The following RYR1 variants were observed in gnomAD, a reference collection of about 807,000 sequenced individuals.
The protein encoded by RYR1 is central core disease of muscle.
Under a neutral mutation model 583.5 loss-of-function variants are expected in RYR1, and 342 were observed. The ratio of observed to expected loss-of-function variants is 0.59; its 90% CI spans 0.54 to 0.64. RYR1 has a LOEUF of 0.64. Among genes scored for constraint, RYR1 ranks in the 30% least tolerant of loss-of-function variants. RYR1 has a pLI of 0.00. For missense variants in RYR1, 6,032 were observed against 6,917.2 expected, an observed-to-expected ratio of 0.87 and a Z score of 4.54; for synonymous variants, 2,791 against 2,822.5, an observed-to-expected ratio of 0.99 and a Z score of 0.35.
At position 38,489,331 on chromosome 19, in the gene RYR1, A is replaced by C. The variant is rs1479388570; in HGVS notation, c.5702A>C (p.Gln1901Pro). ...EKEEDEEETA[Q>P]EKEDEEKEEE... ...GAGGAGGATGAGGAGGAAACAGCACAGGAAAAGGAAGATGAGGAAAAAGAG... is the reference window on the plus strand; with the variant it reads ...GAGGAGGATGAGGAGGAAACAGCACCGGAAAAGGAAGATGAGGAAAAAGAG... The change falls in exon 35 of 106, where the codon CAG (glutamine) becomes CCG (proline). Residue 1901 changes from glutamine to proline, a missense_variant. Coordinates refer to ENST00000359596, the MANE Select transcript of RYR1 (RefSeq NM_000540.3). 6.2e-7 allele frequency: 1 copy of C among 1,608,680 alleles called. No individual in the cohort carries two copies. Among genetic ancestry groups the C allele is most frequent in the East Asian group, 2.2e-5 (1 of 44,868 alleles).
Position 38,532,542 on chromosome 19 carries a change from G to A in RYR1, c.11193+1G>A, listed in dbSNP as rs111986316. On this transcript the variant is annotated splice_donor_variant, in intron 77 of 105. Transcript: ENST00000359596. LOFTEE classifies it high-confidence loss of function. ...GGCCTATGCTGATATCATGGCAAAG[G>A]TGAGGCCCTACCCCCCTCTTCTGGG... The A allele has an allele frequency of 6.2e-7, 1 of 1,614,168 alleles. No individual in the cohort carries two copies. The highest frequency in any genetic ancestry group is 8.5e-7 in the Non-Finnish European group (1 of 1,180,020).
At chr19:38,553,515 A>C (rs1325509310) in intron 89 of RYR1, among the ~76,000 whole-genome samples, 3 of 151,410 alleles carry the variant, frequency 2.0e-5, no homozygotes, top group Admixed American at 1.3e-4. Context: ...CTGGATGTGG[A>C]GGTGTGCACC....
Position 38,473,653 on chromosome 19 carries a change from AAAG to A in RYR1, c.4046_4048del (p.Glu1349del). On this transcript the variant is annotated inframe_deletion, in exon 28 of 106. Transcript: ENST00000359596. ...GGGCTGGAGCGAGGCAGAGAACGGC[AAAG>A]AAGGGACTGCGAAGGAGGGCGCCCC... The A allele has an allele frequency of 6.4e-7, 1 of 1,556,158 alleles. No individual in the cohort carries two copies. Among genetic ancestry groups the A allele is most frequent in the Non-Finnish European group, 8.7e-7 (1 of 1,149,966 alleles).
intron 37 of RYR1, among the ~76,000 whole-genome samples, chr19:38,491,603 A>AT (rs1436682632): frequency 2.0e-5 from 3 of 151,260 alleles, no homozygotes; most frequent in Non-Finnish European, 4.4e-5. Flanking sequence ...TAATTTTTTA[A>AT]TTTTTTTATA....
chr19:38,586,616 G>T, intron 105 of RYR1, 40 bp downstream of exon 105: 3 of 1,589,040 alleles, frequency 1.9e-6, no homozygotes, highest in Non-Finnish European at 2.6e-6. Context: ...GCAGGACGTG[G>T]AGCCCTTTAA....
intron 16 of RYR1, 21 bp downstream of exon 16, chr19:38,455,772 C>A: frequency 7.0e-7 from 1 of 1,431,204 alleles, no homozygotes; most frequent in Non-Finnish European, 9.9e-7. Flanking sequence ...CACCCCTGAC[C>A]TCTCATCCCC....
Position 38,505,357 on chromosome 19 carries a change from A to AC in RYR1, c.8362dup (p.His2788ProfsTer43). On this transcript the variant is annotated frameshift_variant, in exon 53 of 106. Coordinates refer to ENST00000359596, the MANE Select transcript of RYR1 (RefSeq NM_000540.3). LOFTEE classifies it high-confidence loss of function. ...AGAGAACATAGACGAGGAGCTGAAG[A>AC]CCCACCCCATGCTGAGGCCCTACAA... 1 of 1,612,394 alleles carries AC rather than the reference A, an allele frequency of 6.2e-7. No homozygotes were observed.
Position 38,586,533 on chromosome 19 carries a change from T to C in RYR1, c.14978T>C (p.Leu4993Pro). The C allele has an allele frequency of 1.2e-6, 2 of 1,614,132 alleles. No homozygotes were observed. Among genetic ancestry groups the C allele is most frequent in the Non-Finnish European group, 1.7e-6 (2 of 1,179,974 alleles). Residue 4993 changes from leucine to proline, a missense_variant, in exon 105 of 106, where the codon CTG becomes CCG. By Grantham distance (98) the Leu-to-Pro change is moderately conservative. Around this residue, in one of 11 missense-constraint regions of RYR1, gnomAD observed 189 missense variants for 350.3 expected, o/e 0.54. Transcript: ENST00000359596. ...EHNLANYMFF[L>P]MYLINKDETE... is the part of the protein sequence containing the mutation. ...GGTCCTCTCACCCTCAGGTTTTTCC[T>C]GATGTATTTGATAAACAAGGATGAG...
chr19:38,453,062 G>T (rs1247264562), intron 13 of RYR1, 48 bp downstream of exon 13: 3 of 1,593,602 alleles, frequency 1.9e-6, no homozygotes, highest in Non-Finnish European at 2.6e-6. Flanking sequence ...CCAGGGGGCG[G>T]GACCACTGAG....
intron 75 of RYR1, 31 bp downstream of exon 75, chr19:38,528,726 G>A (rs747026921): frequency 6.2e-7 from 1 of 1,609,446 alleles, no homozygotes; most frequent in Non-Finnish European, 8.5e-7. Context: ...GGGAGTGGGG[G>A]GCGAGCTGGA....
At chr19:38,444,000 A>G (rs2145337746) in intron 5 of RYR1, 149 bp from the exon 6 acceptor site, 1 of 816,532 alleles carries the variant, frequency 1.2e-6, no homozygotes, top group East Asian at 2.6e-5. Context: ...GAAGTCAGGA[A>G]CGGGGAACTG....
chr19:38,536,840 TA>T (rs1971992920), intron 83 of RYR1, 73 bp downstream of exon 83: 1 of 1,487,992 alleles, frequency 6.7e-7, no homozygotes, highest in Middle Eastern at 1.7e-4. Flanking sequence ...CCCCTCCACC[TA>T]GGGGCTGAGG....
chr19:38,475,194 T>C (rs1459978568), intron 28 of RYR1, 124 bp from the exon 29 acceptor site: 9 of 1,338,476 alleles, frequency 6.7e-6, no homozygotes, highest in East Asian at 2.5e-5. Context: ...TCCAGCCCTC[T>C]AGAGGCAAGA....
In RYR1 at chr19:38,564,976, C is replaced by G. The variant is rs760363531; in HGVS notation, c.12642C>G (p.Arg4214=). Residue 4214 remains arginine, a synonymous_variant, in exon 91 of 106, where the codon CGC becomes CGG. Coordinates refer to ENST00000359596, the MANE Select transcript of RYR1 (RefSeq NM_000540.3). The stretch of plus-strand genomic sequence containing the variant: ...CGCTTCAGGTGAAGGAGTCCAAGCG[C>G]CAGTTCATCTTCGACGTGGTGAACG... ...WEMPQVKESK[R]QFIFDVVNEG... is the part of the protein sequence containing the mutation. 1.9e-6 allele frequency: 3 copies of G among 1,588,816 alleles called. No individual in the cohort carries two copies. The East Asian group carries it at 6.8e-5, about 36-fold the overall frequency.
At chr19:38,581,743 C>T (rs548441458) in intron 101 of RYR1, among the ~76,000 whole-genome samples, 54 of 152,124 alleles carry the variant, frequency 3.5e-4, no homozygotes, top group South Asian at 8.3e-4. Context: ...GGATTACAGG[C>T]GCACACTACC....
chr19:38,460,258 C>T, intron 19 of RYR1, 117 bp from the exon 20 acceptor site: 4 of 917,144 alleles, frequency 4.4e-6, no homozygotes, highest in Non-Finnish European at 5.5e-6. Flanking sequence ...TGCCCGGTGA[C>T]CTTTGGTCTC....
intron 67 of RYR1, among the ~76,000 whole-genome samples, chr19:38,521,754 T>TG (rs1971235592): frequency 7.0e-6 from 1 of 142,554 alleles, no homozygotes; most frequent in Non-Finnish European, 1.5e-5. Context: ...TCGCCCAGGC[T>TG]GGGGTGCAGT....
At chr19:38,445,860 G>A (rs998278930) in intron 7 of RYR1, among the ~76,000 whole-genome samples, 10 of 146,380 alleles carry the variant, frequency 6.8e-5, no homozygotes, top group Admixed American at 4.3e-4. Flanking sequence ...CATGATGGCG[G>A]GCGGCTGTAG....
In RYR1 at chr19:38,440,742, C is replaced by T. The variant is rs1972633637; in HGVS notation, c.46-3C>T. 1 of 1,606,026 alleles carries T rather than the reference C, an allele frequency of 6.2e-7. No individual in the cohort carries two copies. Among genetic ancestry groups the T allele is most frequent in the African/African-American group, 1.3e-5 (1 of 74,876 alleles). On this transcript the variant is annotated splice_region_variant and splice_polypyrimidine_tract_variant and intron_variant, in intron 1 of 105. Transcript: ENST00000359596. ...CTGGAGACGCTGCCCCTCGGTTCCG[C>T]AGGACGATGAGGTGGTCCTGCAGTG...
Sources: allele counts gnomAD v4.1 joint callset (sites outside exome capture counted in the v4.1 genomes callset), GRCh38; gene constraint gnomAD v4.1.1; regional missense constraint gnomAD v4.1.1; transcripts MANE v1.5; gene names NCBI Gene and HGNC (gene_info 2026-07-23, HGNC 2026-07-21).